PTPRM: variants seen among roughly 807,000 people sequenced by gnomAD.
PTPRM encodes receptor-type tyrosine-protein phosphatase mu.
PTPRM carries 47 observed loss-of-function variants against 186.7 expected under a neutral mutation model. The ratio of observed to expected loss-of-function variants is 0.25; its 90% CI spans 0.20 to 0.32. The LOEUF (loss-of-function observed/expected upper bound fraction) is 0.32, where lower values mean the gene tolerates loss of function less well. Ranked by LOEUF, PTPRM falls within the 10% of genes least tolerant of loss-of-function variation. The probability of loss-of-function intolerance (pLI) is 1.00; values close to 1 mark genes in which losing one functional copy is unlikely to be tolerated. For synonymous variants in PTPRM, 668 were observed against 674.9 expected, an observed-to-expected ratio of 0.99 and a Z score of 0.16; for missense variants, 1,494 against 1,865.0, an observed-to-expected ratio of 0.80 and a Z score of 3.66.
chr18:8,150,588 G>A (rs2092983580), intron 14 of PTPRM, among the ~76,000 whole-genome samples: 2 of 152,116 alleles, frequency 1.3e-5, no homozygotes, highest in Non-Finnish European at 2.9e-5. Context: ...CATTGGGTTA[G>A]AACATGCTCC....
At chr18:8,013,685 C>G (rs922506068) in intron 7 of PTPRM, among the ~76,000 whole-genome samples, 1 of 152,086 alleles carries the variant, frequency 6.6e-6, no homozygotes, top group Non-Finnish European at 1.5e-5. Context: ...GGGGTACATA[C>G]CATCCCCTCT....
chr18:8,360,183 A>T (rs372982520), intron 23 of PTPRM, among the ~76,000 whole-genome samples: 16 of 152,392 alleles, frequency 1.0e-4, no homozygotes, highest in African/African-American at 3.6e-4. Flanking sequence ...TTCATGAACT[A>T]AGGAAATAAA....
intron 14 of PTPRM, among the ~76,000 whole-genome samples, chr18:8,243,150 A>G (rs6506566): frequency 0.61 from 92,903 of 151,954 alleles, 29,055 homozygotes; most frequent in Middle Eastern, 0.75. Context: ...TTTCCCTTTA[A>G]GTCTTCTGGC....
chr18:8,217,669 A>T (rs2094106250), intron 14 of PTPRM, among the ~76,000 whole-genome samples: 1 of 152,028 alleles, frequency 6.6e-6, no homozygotes, highest in South Asian at 2.1e-4. Context: ...CCTGGAAATG[A>T]CTCCATGTCA....
intron 1 of PTPRM, among the ~76,000 whole-genome samples, chr18:7,628,932 G>A (rs965642234): frequency 2.6e-5 from 4 of 152,194 alleles, no homozygotes; most frequent in Non-Finnish European, 4.4e-5. Context: ...GGCAAGGTTC[G>A]CAGTTTCCAG....
At chr18:7,605,240 C>T (rs902328208) in intron 1 of PTPRM, among the ~76,000 whole-genome samples, 1 of 152,166 alleles carries the variant, frequency 6.6e-6, no homozygotes, top group Admixed American at 6.5e-5. Context: ...TTTTGGGCCA[C>T]ATTCAAAGCC....
chr18:8,017,204 A>G (rs1179929605), intron 7 of PTPRM, among the ~76,000 whole-genome samples: 1 of 152,080 alleles, frequency 6.6e-6, no homozygotes, highest in African/African-American at 2.4e-5. Context: ...TTATCCTTAA[A>G]CACATGCACA....
intron 7 of PTPRM, among the ~76,000 whole-genome samples, chr18:8,024,100 A>G (rs770486755): frequency 1.3e-5 from 2 of 152,136 alleles, no homozygotes; most frequent in Non-Finnish European, 2.9e-5. Context: ...CTCTTAGGAA[A>G]TCTCACATTG....
At chr18:7,820,925 T>G (rs1230644226) in intron 2 of PTPRM, among the ~76,000 whole-genome samples, 2 of 152,136 alleles carry the variant, frequency 1.3e-5, no homozygotes, top group African/African-American at 4.8e-5. Context: ...ACACATGAGC[T>G]CTTCTGCTGG....
At chr18:8,200,963 A>G (rs1486562973) in intron 14 of PTPRM, among the ~76,000 whole-genome samples, 2 of 152,172 alleles carry the variant, frequency 1.3e-5, no homozygotes, top group Non-Finnish European at 2.9e-5. Context: ...ATGGTAAAAT[A>G]AGTTTTTTCT....
intron 1 of PTPRM, among the ~76,000 whole-genome samples, chr18:7,630,029 A>G (rs917390525): frequency 1.3e-5 from 2 of 152,044 alleles, no homozygotes; most frequent in Non-Finnish European, 2.9e-5. Context: ...GTGGAGAGGG[A>G]TGCCATTTAC....
chr18:8,376,133 C>T lies in PTPRM; in HGVS notation c.3259C>T (p.Leu1087=). ...HGVPYHATGL[L]GFVRQVKSKS... ...GGTCCCCTACCATGCCACCGGCCTGCTGGGATTCGTGCGGCAAGTCAAGTC... is the reference window on the plus strand; with the variant it reads ...GGTCCCCTACCATGCCACCGGCCTGTTGGGATTCGTGCGGCAAGTCAAGTC... The change falls in exon 25 of 33, where the codon CTG becomes TTG. Residue 1087 remains leucine, a synonymous_variant. Transcript: ENST00000580170. 1 of 1,614,026 alleles carries T rather than the reference C, an allele frequency of 6.2e-7. No individual in the cohort carries two copies. Among genetic ancestry groups the T allele is most frequent in the Non-Finnish European group, 8.5e-7 (1 of 1,180,032 alleles).
At chr18:8,299,863 C>A (rs2095137486) in intron 20 of PTPRM, among the ~76,000 whole-genome samples, 1 of 152,162 alleles carries the variant, frequency 6.6e-6, no homozygotes, top group Non-Finnish European at 1.5e-5. Context: ...GGCCCACAAA[C>A]AGTAGTTTTC....
chr18:7,900,503 G>A (rs1319941621), intron 3 of PTPRM, among the ~76,000 whole-genome samples: 1 of 152,050 alleles, frequency 6.6e-6, no homozygotes, highest in African/African-American at 2.4e-5. Flanking sequence ...TTATAAATCT[G>A]GATGTAAAAA....
intron 1 of PTPRM, among the ~76,000 whole-genome samples, chr18:7,605,420 C>G (rs1458498928): frequency 1.1e-5 from 1 of 92,174 alleles, no homozygotes; most frequent in Admixed American, 1.3e-4. Context: ...GCAAAAATGT[C>G]CCCCCCCCAC....
intron 31 of PTPRM, among the ~76,000 whole-genome samples, chr18:8,391,545 TTGA>T (rs1333961673): frequency 6.6e-6 from 1 of 152,106 alleles, no homozygotes; most frequent in African/African-American, 2.4e-5. Context: ...GCAAAAACAA[TTGA>T]TGATGCTAGG....
At chr18:8,227,269 A>G (rs1326551002) in intron 14 of PTPRM, among the ~76,000 whole-genome samples, 1 of 152,206 alleles carries the variant, frequency 6.6e-6, no homozygotes, top group Non-Finnish European at 1.5e-5. Context: ...GGGCCCTCCA[A>G]AAAGAGACAT....
intron 14 of PTPRM, among the ~76,000 whole-genome samples, chr18:8,147,298 GTTGT>G (rs2092908323): frequency 2.0e-5 from 3 of 152,020 alleles, no homozygotes; most frequent in Non-Finnish European, 4.4e-5. Flanking sequence ...TGTTTTTCCA[GTTGT>G]TTGTGTCCTC....
Position 8,026,623 on chromosome 18 carries a change from A to G in PTPRM, c.1133-43063A>G, listed in dbSNP as rs147681284. 4.4e-3 allele frequency among the ~76,000 whole-genome samples: 672 copies of G among 152,296 alleles called. 2 individuals carry two copies. The highest frequency in any genetic ancestry group is 0.016 in the African/African-American group (649 of 41,578). ...TGTAATTCCAACACTTTTGGAGGCC[A>G]AAGTGGGTGGATCACTTGAGGTCAG... On this transcript the variant is annotated intron_variant, in intron 7 of 32. Transcript: ENST00000580170.
Sources: gnomAD v4.1 joint callset for allele counts (sites outside exome capture counted in the v4.1 genomes callset) on GRCh38, gnomAD v4.1.1 for gene constraint, MANE v1.5 for transcripts, NCBI Gene and HGNC (gene_info 2026-07-23, HGNC 2026-07-21) for gene names.